TENM4: variants seen among roughly 807,000 people sequenced by gnomAD.
The protein encoded by TENM4 is teneurin-4.
TENM4 carries 82 observed loss-of-function variants against 243.3 expected under a neutral mutation model. The ratio of observed to expected loss-of-function variants is 0.34; its 90% CI spans 0.28 to 0.40. TENM4 has a LOEUF of 0.40. Among genes scored for constraint, TENM4 ranks in the 10% least tolerant of loss-of-function variants. The pLI is 1.00. For synonymous variants in TENM4, 1,412 were observed against 1,456.3 expected (o/e 0.97, Z 0.69); for missense variants, 3,138 against 3,673.3 (o/e 0.85, Z 3.77).
chr11:79,350,603 C>CTT (rs71050219), intron 1 of TENM4, among the ~76,000 whole-genome samples: 73 of 143,644 alleles, frequency 5.1e-4, no homozygotes, highest in Middle Eastern at 3.5e-3. Context: ...CTAATTTTTT[C>CTT]TTTTTTTTTT....
At chr11:78,718,041 C>T (rs1008089240) in intron 25 of TENM4, among the ~76,000 whole-genome samples, 1 of 152,316 alleles carries the variant, frequency 6.6e-6, no homozygotes, top group African/African-American at 2.4e-5. Flanking sequence ...CGGGGAAGCA[C>T]ACACACAGCC....
At position 79,177,772 on chromosome 11, in the gene TENM4, A is replaced by G. The variant is rs548584559; in HGVS notation, c.-162-28966T>C. Among the ~76,000 whole-genome samples the G allele has an allele frequency of 1.2e-4, 19 of 152,248 alleles. 1 individual carries two copies. In the South Asian group the frequency reaches 3.9e-3, roughly 32 times the overall value. ...GTGCCTGGCACGTAGGAGGGGCAGCAAGGAGGCAGGTGTGGCTAGACAAAG... is the reference window on the plus strand; with the variant it reads ...GTGCCTGGCACGTAGGAGGGGCAGCGAGGAGGCAGGTGTGGCTAGACAAAG... On this transcript the variant is annotated intron_variant, in intron 3 of 33. Transcript: ENST00000278550.
At chr11:79,195,227 G>C (rs1863599140) in intron 3 of TENM4, among the ~76,000 whole-genome samples, 2 of 152,212 alleles carry the variant, frequency 1.3e-5, no homozygotes, top group Admixed American at 1.3e-4. Flanking sequence ...GGCTTTCATG[G>C]AGAACCTCTG....
intron 3 of TENM4, among the ~76,000 whole-genome samples, chr11:79,178,810 G>T (rs750075630): frequency 6.6e-6 from 1 of 152,124 alleles, no homozygotes; most frequent in Admixed American, 6.5e-5. Context: ...AGAAATACCC[G>T]TCAGTGGGTG....
At chr11:79,099,677 A>G (rs1235018304) in intron 4 of TENM4, among the ~76,000 whole-genome samples, 1 of 152,194 alleles carries the variant, frequency 6.6e-6, no homozygotes, top group Non-Finnish European at 1.5e-5. Context: ...GACACCCTAT[A>G]CATCTGTATG....
At chr11:79,176,228 A>G (rs957617377) in intron 3 of TENM4, among the ~76,000 whole-genome samples, 1 of 152,204 alleles carries the variant, frequency 6.6e-6, no homozygotes, top group Admixed American at 6.5e-5. Context: ...CATTCAACTG[A>G]TGACTTCTGG....
At chr11:79,373,240 G>T (rs1857821032) in intron 1 of TENM4, among the ~76,000 whole-genome samples, 1 of 152,126 alleles carries the variant, frequency 6.6e-6, no homozygotes, top group African/African-American at 2.4e-5. Flanking sequence ...CTGGCTGGCT[G>T]ACTGGATAGA....
At chr11:79,072,357 C>T (rs989053768) in intron 4 of TENM4, among the ~76,000 whole-genome samples, 1 of 152,028 alleles carries the variant, frequency 6.6e-6, no homozygotes, top group African/African-American at 2.4e-5. Context: ...CATGGTGGCA[C>T]ATGCCTATAG....
chr11:79,323,586 C>G (rs1305937979), intron 1 of TENM4, among the ~76,000 whole-genome samples: 1 of 152,192 alleles, frequency 6.6e-6, no homozygotes, highest in Admixed American at 6.5e-5. Flanking sequence ...ATCGCTTGGT[C>G]AAACACTAGC....
intron 6 of TENM4, among the ~76,000 whole-genome samples, chr11:78,958,853 C>G (rs61563391): frequency 2.6e-5 from 4 of 152,186 alleles, no homozygotes; most frequent in African/African-American, 9.7e-5. Flanking sequence ...CCTAAAGCAA[C>G]TGCTCTGTTG....
chr11:78,738,538 G>C lies in TENM4; in HGVS notation c.2789C>G (p.Thr930Arg). Residue 930 changes from threonine (T) to arginine (R), a missense_variant, in exon 20 of 34, where the codon ACA becomes AGA. By Grantham distance (71) the Thr-to-Arg change is moderately conservative. Transcript: ENST00000278550. ...ACCAACCAGGGGGGTTCCATCTGAT[G>C]TCATCACTTGGCCACGAATAACACA... ...HACVIRGQVM[T>R]SDGTPLVGVN... is the part of the protein sequence containing the mutation. 1.2e-6 allele frequency: 2 copies of C among 1,613,846 alleles called. No homozygotes were observed. The highest frequency in any genetic ancestry group is 1.7e-6 in the Non-Finnish European group (2 of 1,179,806).
At chr11:79,235,114 C>T (rs1368317231) in intron 2 of TENM4, among the ~76,000 whole-genome samples, 6 of 151,908 alleles carry the variant, frequency 3.9e-5, no homozygotes, top group Non-Finnish European at 8.8e-5. Context: ...GAGATAGAGA[C>T]CATCCTGGCT....
chr11:79,099,635 A>G (rs1419195650), intron 4 of TENM4, among the ~76,000 whole-genome samples: 2 of 152,180 alleles, frequency 1.3e-5, no homozygotes, highest in Non-Finnish European at 2.9e-5. Flanking sequence ...GGGATTGTTT[A>G]GGAAGGACTG....
intron 1 of TENM4, among the ~76,000 whole-genome samples, chr11:79,416,228 A>G (rs1298308080): frequency 1.3e-5 from 2 of 152,186 alleles, no homozygotes; most frequent in Non-Finnish European, 2.9e-5. Flanking sequence ...GTATCTCAAT[A>G]CGCTTTCACT....
At chr11:79,184,028 C>A (rs1191686468) in intron 3 of TENM4, among the ~76,000 whole-genome samples, 1 of 152,154 alleles carries the variant, frequency 6.6e-6, no homozygotes, top group East Asian at 1.9e-4. Context: ...GAACTGAGAG[C>A]AGGGACTTGA....
At chr11:79,037,046 GA>G (rs1181181399) in intron 6 of TENM4, among the ~76,000 whole-genome samples, 17 of 111,576 alleles carry the variant, frequency 1.5e-4, no homozygotes, top group Admixed American at 2.7e-4. Context: ...AAAAAAAAAA[GA>G]AAAAAAAGAA....
At chr11:78,899,504 G>A (rs1855875845) in intron 7 of TENM4, among the ~76,000 whole-genome samples, 3 of 147,798 alleles carry the variant, frequency 2.0e-5, no homozygotes, top group Non-Finnish European at 4.5e-5. Context: ...CTTGAGTCTG[G>A]GAGGTTGAGG....
intron 6 of TENM4, among the ~76,000 whole-genome samples, chr11:78,967,537 T>C (rs1488490912): frequency 6.6e-6 from 1 of 152,204 alleles, no homozygotes; most frequent in Non-Finnish European, 1.5e-5. Context: ...TCCTGCTCAG[T>C]CACCTAGATC....
chr11:79,236,664 C>A (rs192121499), intron 2 of TENM4, among the ~76,000 whole-genome samples: 85 of 152,270 alleles, frequency 5.6e-4, no homozygotes, highest in African/African-American at 1.9e-3. Context: ...ATACCAAATA[C>A]AGGCTTTCTC....
Sources: allele counts gnomAD v4.1 joint callset (sites outside exome capture counted in the v4.1 genomes callset), GRCh38; gene constraint gnomAD v4.1.1; transcripts MANE v1.5; gene names NCBI Gene and HGNC (gene_info 2026-07-23, HGNC 2026-07-21).